The following CSMD3 variants were observed in gnomAD, a reference collection of about 807,000 sequenced individuals.
The protein encoded by CSMD3 is CUB and sushi domain-containing protein 3.
In CSMD3, 177 loss-of-function variants were observed where a neutral mutation model predicts 435.2. The observed-to-expected ratio is 0.41, with a 90% CI of 0.36 to 0.46. The LOEUF is 0.46. Among genes scored for constraint, CSMD3 ranks in the 20% least tolerant of loss-of-function variants. The pLI is 0.34. For missense variants in CSMD3, 4,265 were observed against 4,504.6 expected, an observed-to-expected ratio of 0.95 and a Z score of 1.52; for synonymous variants, 1,656 against 1,520.5, an observed-to-expected ratio of 1.09 and a Z score of -2.07.
chr8:112,420,155 T>C (rs1428372029), intron 32 of CSMD3, among the ~76,000 whole-genome samples: 4 of 152,144 alleles, frequency 2.6e-5, no homozygotes, highest in Non-Finnish European at 4.4e-5. Flanking sequence ...TTTATTTTAT[T>C]ATGTAAAATT....
chr8:113,256,014 A>C (rs2093377419), intron 3 of CSMD3, among the ~76,000 whole-genome samples: 1 of 152,104 alleles, frequency 6.6e-6, no homozygotes, highest in Non-Finnish European at 1.5e-5. Context: ...AATTTTCTAT[A>C]GTAAGTACAT....
intron 41 of CSMD3, among the ~76,000 whole-genome samples, chr8:112,344,026 G>A (rs1314366082): frequency 2.0e-5 from 3 of 152,096 alleles, no homozygotes; most frequent in Non-Finnish European, 4.4e-5. Context: ...GCGACTACAG[G>A]TGCGTGCCAC....
intron 22 of CSMD3, among the ~76,000 whole-genome samples, chr8:112,628,681 T>C (rs1834696855): frequency 1.3e-5 from 2 of 152,136 alleles, no homozygotes; most frequent in Non-Finnish European, 2.9e-5. Context: ...TACTTAAAGC[T>C]TTCTATATGC....
chr8:112,587,016 A>AT, intron 23 of CSMD3, 50 bp downstream of exon 23: 1 of 1,317,634 alleles, frequency 7.6e-7, no homozygotes, highest in Admixed American at 1.7e-5. Flanking sequence ...ATTGATGTAT[A>AT]TTTAATGACT....
At chr8:112,237,758 G>T (rs1298178685) in intron 66 of CSMD3, among the ~76,000 whole-genome samples, 1 of 152,050 alleles carries the variant, frequency 6.6e-6, no homozygotes, top group Admixed American at 6.6e-5. Flanking sequence ...AGTGGGAATA[G>T]ATTTTTAAGA....
At chr8:112,337,216 G>A (rs1253229567) in intron 43 of CSMD3, among the ~76,000 whole-genome samples, 2 of 152,130 alleles carry the variant, frequency 1.3e-5, no homozygotes, top group East Asian at 3.9e-4. Context: ...AAGGAACTCA[G>A]TAGCAGTATC....
At chr8:112,890,362 G>C (rs1384875028) in intron 10 of CSMD3, among the ~76,000 whole-genome samples, 4 of 151,796 alleles carry the variant, frequency 2.6e-5, no homozygotes, top group Admixed American at 2.0e-4. Flanking sequence ...TATGAGGACA[G>C]CCATTTTAGA....
At chr8:112,915,815 G>T (rs753470965) in intron 10 of CSMD3, among the ~76,000 whole-genome samples, 1 of 151,654 alleles carries the variant, frequency 6.6e-6, no homozygotes, top group Non-Finnish European at 1.5e-5. Flanking sequence ...ATTAGCAAGA[G>T]TTTATTAAAA....
At chr8:113,087,340 A>G (rs1481649848) in intron 5 of CSMD3, among the ~76,000 whole-genome samples, 1 of 151,874 alleles carries the variant, frequency 6.6e-6, no homozygotes, top group Non-Finnish European at 1.5e-5. Flanking sequence ...CTTTCTTCAC[A>G]GAATTGGAAA....
intron 1 of CSMD3, among the ~76,000 whole-genome samples, chr8:113,415,415 G>A (rs1401640341): frequency 6.6e-6 from 1 of 151,996 alleles, no homozygotes; most frequent in East Asian, 1.9e-4. Context: ...AGGCTATGAT[G>A]AACACTAAAA....
intron 4 of CSMD3, among the ~76,000 whole-genome samples, chr8:113,173,013 C>T (rs1448420634): frequency 1.3e-5 from 2 of 152,064 alleles, no homozygotes; most frequent in East Asian, 1.9e-4. Flanking sequence ...TGATAGTAAA[C>T]AAATGCAGCA....
chr8:112,953,764 A>T, intron 8 of CSMD3, among the ~76,000 whole-genome samples: 1 of 151,602 alleles, frequency 6.6e-6, no homozygotes, highest in Middle Eastern at 3.4e-3. Context: ...ATAATAAATG[A>T]TTTTTGTTAA....
At chr8:112,313,575 A>G (rs921299375) in intron 49 of CSMD3, among the ~76,000 whole-genome samples, 5 of 152,278 alleles carry the variant, frequency 3.3e-5, no homozygotes, top group Admixed American at 1.3e-4. Flanking sequence ...TAACTGACAT[A>G]TAAGTCATAA....
At chr8:113,318,786 ATGTGTG>A (rs56269027) in intron 1 of CSMD3, among the ~76,000 whole-genome samples, 2,918 of 140,142 alleles carry the variant, frequency 0.021, 34 homozygotes, top group South Asian at 0.042. Flanking sequence ...GCTGAATAAG[ATGTGTG>A]TGTGTGTGTG....
intron 3 of CSMD3, among the ~76,000 whole-genome samples, chr8:113,247,407 C>T (rs1028296170): frequency 6.6e-6 from 1 of 152,120 alleles, no homozygotes; most frequent in Non-Finnish European, 1.5e-5. Flanking sequence ...TTTACAGCTA[C>T]TGTGGTTGTG....
Position 113,198,651 on chromosome 8 carries a change from GGACA to G in CSMD3, c.515-24739_515-24736del, listed in dbSNP as rs1440096056. Among the ~76,000 whole-genome samples the G allele has an allele frequency of 6.0e-5, 9 of 149,892 alleles. No homozygotes were observed. The East Asian group carries it at 1.6e-3, about 26-fold the overall frequency. ...TTAACTTAGTATTAAAATTTTTTTT[GGACA>G]GACTAAATGATTATTTATTTTGCAA... On this transcript the variant is annotated intron_variant, in intron 3 of 70. Transcript: ENST00000297405.
chr8:113,226,696 T>C (rs2093032700), intron 3 of CSMD3, among the ~76,000 whole-genome samples: 1 of 151,594 alleles, frequency 6.6e-6, no homozygotes, highest in Admixed American at 6.6e-5. Flanking sequence ...TTCTAGATCC[T>C]CAGAAGAAAG....
At chr8:112,820,822 C>A (rs2079509125) in intron 12 of CSMD3, among the ~76,000 whole-genome samples, 1 of 152,056 alleles carries the variant, frequency 6.6e-6, no homozygotes, top group East Asian at 1.9e-4. Context: ...CACTCACCAC[C>A]ACCGCCAACC....
intron 36 of CSMD3, 105 bp from the exon 37 acceptor site, chr8:112,383,768 A>G (rs1563871385): frequency 9.0e-6 from 7 of 780,176 alleles, no homozygotes; most frequent in South Asian, 1.4e-5. Context: ...CCTGAACCAC[A>G]TAATTGTGAC....
Sources: gnomAD v4.1 joint callset for allele counts (sites outside exome capture counted in the v4.1 genomes callset) on GRCh38, gnomAD v4.1.1 for gene constraint, MANE v1.5 for transcripts, NCBI Gene and HGNC (gene_info 2026-07-23, HGNC 2026-07-21) for gene names.